Variants in WASF3 observed in about 807,000 individuals in gnomAD.
WASF3 encodes actin-binding protein WASF3.
A neutral mutation model predicts 46.6 loss-of-function variants in WASF3; 11 were observed. That is an observed-to-expected ratio of 0.24 (90% confidence interval 0.15 to 0.39). WASF3 has a LOEUF of 0.39. Among genes scored for constraint, WASF3 ranks in the 10% least tolerant of loss-of-function variants. The probability of loss-of-function intolerance (pLI) is 1.00; values close to 1 mark genes in which losing one functional copy is unlikely to be tolerated. For missense variants in WASF3, 576 were observed against 669.8 expected (o/e 0.86, Z 1.55); for synonymous variants, 242 against 259.7 (o/e 0.93, Z 0.65).
chr13:26,570,881 C>T (rs575750721), intron 1 of WASF3, among the ~76,000 whole-genome samples: 1 of 152,192 alleles, frequency 6.6e-6, no homozygotes, highest in East Asian at 1.9e-4. Context: ...TGCTGAATTC[C>T]CCTTCATAGA....
intron 1 of WASF3, among the ~76,000 whole-genome samples, chr13:26,559,831 T>TCTTTCTTTCTTTCTCTCTTTCTCTC (rs1183365655): frequency 7.4e-6 from 1 of 134,414 alleles, no homozygotes; most frequent in Non-Finnish European, 1.6e-5. Context: ...TTTTTTTTTT[T>TCTTTCTTTCTTTCTCTCTTTCTCTC]TTTGAGACGG....
intron 1 of WASF3, among the ~76,000 whole-genome samples, chr13:26,565,611 A>G (rs1401890958): frequency 6.6e-6 from 1 of 152,204 alleles, no homozygotes; most frequent in Non-Finnish European, 1.5e-5. Flanking sequence ...GAAACCCAGA[A>G]ATACACAGTA....
chr13:26,542,894 G>A, the WASF3 span, among the ~76,000 whole-genome samples: 7 of 152,234 alleles, frequency 4.6e-5, no homozygotes, highest in Admixed American at 1.3e-4. Context: ...GTCACTTTTC[G>A]AAAGGCAATG....
rs751808438 is a variant in WASF3, at chr13:26,681,010, T to A, written c.717-44T>A. ...CATGTGCCTGTTAGCCGACAATTTT[T>A]AAATTAATTTAAATTTCTCCCACCT... On this transcript the variant is annotated intron_variant, in intron 7 of 9. Transcript: ENST00000335327. The A allele has an allele frequency of 3.8e-6, 6 of 1,567,076 alleles. No individual in the cohort carries two copies. The Admixed American group carries it at 1.1e-4, about 28-fold the overall frequency.
intron 1 of WASF3, among the ~76,000 whole-genome samples, chr13:26,603,477 G>A (rs1428059450): frequency 1.3e-5 from 2 of 152,186 alleles, no homozygotes; most frequent in African/African-American, 4.8e-5. Flanking sequence ...AGGCATGGGA[G>A]AAAGGCAGAG....
chr13:26,555,854 A>G (rs1879086420), upstream of WASF3, among the ~76,000 whole-genome samples: 1 of 152,228 alleles, frequency 6.6e-6, no homozygotes, highest in Non-Finnish European at 1.5e-5. Context: ...TCACTCCCTG[A>G]TGCAGCAACA....
At chr13:26,618,098 A>G (rs563888577) in intron 2 of WASF3, among the ~76,000 whole-genome samples, 1 of 152,250 alleles carries the variant, frequency 6.6e-6, no homozygotes, top group South Asian at 2.1e-4. Context: ...GACGAATATG[A>G]AGTCTTAGCC....
chr13:26,569,290 G>A (rs937288524), intron 1 of WASF3, among the ~76,000 whole-genome samples: 2 of 152,160 alleles, frequency 1.3e-5, no homozygotes, highest in African/African-American at 2.4e-5. Context: ...TGTACCTAAT[G>A]GCAGAATGCA....
intron 3 of WASF3, 58 bp from the exon 4 acceptor site, chr13:26,664,970 G>C (rs1446636406): frequency 6.3e-7 from 1 of 1,581,492 alleles, no homozygotes; most frequent in Non-Finnish European, 8.7e-7. Flanking sequence ...GAGGATGTGT[G>C]AGGGCCGCTT....
At chr13:26,602,285 T>G (rs1340043385) in intron 1 of WASF3, among the ~76,000 whole-genome samples, 1 of 152,270 alleles carries the variant, frequency 6.6e-6, no homozygotes, top group East Asian at 1.9e-4. Flanking sequence ...AAATGATTAC[T>G]GCTACTTAAT....
intron 3 of WASF3, among the ~76,000 whole-genome samples, chr13:26,648,178 G>A (rs186616790): frequency 6.6e-6 from 1 of 152,190 alleles, no homozygotes; most frequent in East Asian, 1.9e-4. Flanking sequence ...TTCATAATGA[G>A]CAGGGATAGT....
At chr13:26,655,258 C>CTTTTATGACCTTGACACT (rs145541025) in intron 3 of WASF3, among the ~76,000 whole-genome samples, 1 of 152,102 alleles carries the variant, frequency 6.6e-6, no homozygotes, top group African/African-American at 2.4e-5. Context: ...GACCTTGACA[C>CTTTTATGACCTTGACACT]TTTAGAAGGG....
intron 1 of WASF3, among the ~76,000 whole-genome samples, chr13:26,576,441 A>G (rs1879799883): frequency 6.6e-6 from 1 of 152,162 alleles, no homozygotes; most frequent in Non-Finnish European, 1.5e-5. Context: ...TACGTGGGGA[A>G]TTTCAGAAGT....
At position 26,685,923 on chromosome 13, in the gene WASF3, C is replaced by G; in HGVS notation, c.*78C>G. On this transcript the variant is annotated 3_prime_UTR_variant, in exon 10 of 10. Coordinates refer to ENST00000335327, the MANE Select transcript of WASF3 (RefSeq NM_006646.6). ...GTCTCTACACCCAAATAGTGGTATT[C>G]TAATCCCGTAGCATAGCACCTTTTG... 6.5e-7 allele frequency: 1 copy of G among 1,549,756 alleles called. No homozygotes were observed. Among genetic ancestry groups the G allele is most frequent in the East Asian group, 2.3e-5 (1 of 43,624 alleles).
In WASF3 at chr13:26,676,564, G is replaced by A; in HGVS notation, c.556G>A (p.Asp186Asn). ...KRRQKEQKRI[D>N]GTTREVKKVR... ...TGGACATCAGGAGCAAAAGCGTATA[G>A]ATGGCACCACCCGTGAGGTGAAAAA... Residue 186 changes from aspartate to asparagine, a missense_variant, in exon 7 of 10, where the codon GAT (aspartate) becomes AAT (asparagine). Transcript: ENST00000335327. The A allele has an allele frequency of 6.2e-7, 1 of 1,614,092 alleles. No homozygotes were observed. The highest frequency in any genetic ancestry group is 8.5e-7 in the Non-Finnish European group (1 of 1,179,998).
At chr13:26,598,429 T>C (rs1880541595) in intron 1 of WASF3, among the ~76,000 whole-genome samples, 1 of 152,184 alleles carries the variant, frequency 6.6e-6, no homozygotes, top group Non-Finnish European at 1.5e-5. Flanking sequence ...ACTCTGATGG[T>C]AGTTCCTTTT....
chr13:26,580,225 T>TA (rs922426943), intron 1 of WASF3, among the ~76,000 whole-genome samples: 7 of 152,166 alleles, frequency 4.6e-5, no homozygotes, highest in African/African-American at 1.4e-4. Context: ...TATCTTTCAT[T>TA]AAAAAAATCT....
chr13:26,575,079 G>A (rs528567917), intron 1 of WASF3, among the ~76,000 whole-genome samples: 5 of 152,110 alleles, frequency 3.3e-5, no homozygotes, highest in African/African-American at 4.8e-5. Context: ...CTTGTGATCC[G>A]CCCACCTTGG....
the WASF3 span, among the ~76,000 whole-genome samples, chr13:26,542,405 G>T: frequency 1.3e-5 from 2 of 152,250 alleles, no homozygotes; most frequent in African/African-American, 2.4e-5. Context: ...GCTGTGCAAA[G>T]CTGTGCTGTT....
Sources: gnomAD v4.1 joint callset for allele counts (sites outside exome capture counted in the v4.1 genomes callset) on GRCh38, gnomAD v4.1.1 for gene constraint, MANE v1.5 for transcripts, NCBI Gene and HGNC (gene_info 2026-07-23, HGNC 2026-07-21) for gene names.